Variants in RALYL observed in about 807,000 individuals in gnomAD.
RALYL encodes RNA-binding Raly-like protein.
RALYL carries 29 observed loss-of-function variants against 35.1 expected under a neutral mutation model. The ratio of observed to expected loss-of-function variants is 0.83; its 90% confidence interval spans 0.61 to 1.13. The LOEUF (loss-of-function observed/expected upper bound fraction) is 1.13, where lower values mean the gene tolerates loss of function less well. Among genes scored for constraint, RALYL ranks in the 50% most tolerant of loss-of-function variants. The pLI is 0.00. For missense variants in RALYL, 359 were observed against 360.4 expected (o/e 1.00, Z 0.03); for synonymous variants, 120 against 127.6 (o/e 0.94, Z 0.40).
At chr8:84,231,921 T>C (rs1044745864) in intron 1 of RALYL, among the ~76,000 whole-genome samples, 5 of 152,230 alleles carry the variant, frequency 3.3e-5, no homozygotes, top group African/African-American at 7.2e-5. Context: ...AATATAACAA[T>C]GTGGGATTTG....
chr8:84,441,747 A>G (rs887961743), intron 1 of RALYL, among the ~76,000 whole-genome samples: 1 of 152,108 alleles, frequency 6.6e-6, no homozygotes, highest in African/African-American at 2.4e-5. Flanking sequence ...TTAAGTATCA[A>G]TAATGTTTAT....
At chr8:84,643,684 G>A (rs1826878963) in intron 2 of RALYL, among the ~76,000 whole-genome samples, 1 of 151,998 alleles carries the variant, frequency 6.6e-6, no homozygotes, top group Non-Finnish European at 1.5e-5. Flanking sequence ...TGCTTGCAGA[G>A]CCCAGTAACA....
intron 4 of RALYL, among the ~76,000 whole-genome samples, chr8:84,836,239 T>G (rs1434550758): frequency 6.6e-6 from 1 of 152,206 alleles, no homozygotes; most frequent in Non-Finnish European, 1.5e-5. Context: ...CACTGGTCTA[T>G]CAATTAAAGT....
intron 2 of RALYL, among the ~76,000 whole-genome samples, chr8:84,576,139 T>C (rs1416700044): frequency 6.6e-6 from 1 of 152,220 alleles, no homozygotes; most frequent in Non-Finnish European, 1.5e-5. Flanking sequence ...TGATTTTTTT[T>C]CTTCAAGCGT....
chr8:84,335,612 C>T (rs1013439912), intron 1 of RALYL, among the ~76,000 whole-genome samples: 7 of 151,750 alleles, frequency 4.6e-5, no homozygotes, highest in African/African-American at 1.5e-4. Context: ...ATCTTCTCCC[C>T]TCCACTCCCG....
chr8:84,404,089 G>GT (rs201869560), intron 1 of RALYL, among the ~76,000 whole-genome samples: 4,294 of 152,108 alleles, frequency 0.028, 197 homozygotes, highest in African/African-American at 0.098. Context: ...AGACAATAGG[G>GT]TTTCTAAATA....
At chr8:84,257,423 G>A (rs1403053445) in intron 1 of RALYL, among the ~76,000 whole-genome samples, 1 of 152,040 alleles carries the variant, frequency 6.6e-6, no homozygotes, top group African/African-American at 2.4e-5. Context: ...TATGCCTGGA[G>A]TTGAAGGGTC....
chr8:84,782,736 C>A (rs72681047), intron 3 of RALYL, among the ~76,000 whole-genome samples: 1 of 152,168 alleles, frequency 6.6e-6, no homozygotes, highest in African/African-American at 2.4e-5. Context: ...TTAGCAGGAA[C>A]GTGTGCATCT....
intron 2 of RALYL, among the ~76,000 whole-genome samples, chr8:84,764,377 C>A (rs1813400653): frequency 6.6e-6 from 1 of 151,990 alleles, no homozygotes; most frequent in Non-Finnish European, 1.5e-5. Flanking sequence ...AATGAATGCT[C>A]CCTGACATTT....
At chr8:84,370,637 G>A (rs536263717) in intron 1 of RALYL, among the ~76,000 whole-genome samples, 3 of 152,170 alleles carry the variant, frequency 2.0e-5, no homozygotes, top group African/African-American at 7.2e-5. Flanking sequence ...TGTGCAGCAA[G>A]TGAATGGCAA....
chr8:84,299,742 A>T (rs1840415796), intron 1 of RALYL, among the ~76,000 whole-genome samples: 2 of 151,998 alleles, frequency 1.3e-5, no homozygotes, highest in South Asian at 4.1e-4. Context: ...AGATATTCTA[A>T]TTTGTGTGCA....
chr8:84,722,890 G>T (rs75382357), intron 2 of RALYL, among the ~76,000 whole-genome samples: 2,303 of 151,294 alleles, frequency 0.015, 62 homozygotes, highest in African/African-American at 0.053. Flanking sequence ...TATAAAGGCA[G>T]TAAAAATCAA....
intron 5 of RALYL, among the ~76,000 whole-genome samples, chr8:84,857,143 C>CA (rs1387792867): frequency 6.6e-6 from 1 of 150,716 alleles, no homozygotes; most frequent in East Asian, 2.0e-4. Context: ...GTACATCTGT[C>CA]AAAGTTAAGC....
chr8:84,259,525 G>A (rs1831809094), intron 1 of RALYL, among the ~76,000 whole-genome samples: 2 of 152,170 alleles, frequency 1.3e-5, no homozygotes, highest in African/African-American at 2.4e-5. Context: ...AGCATTAAAT[G>A]TGAGACCAGA....
rs1836534832 is a variant in RALYL at position 84,854,372 on chromosome 8, AAG to A, written c.413+4347_413+4348del. ...AAAAAGAAAAAGAAAAAGGAAGAAA[AAG>A]AAAAAAAAATAATGGTAGATGTATT... On this transcript the variant is annotated intron_variant, in intron 5 of 8. Transcript: ENST00000521268. Among the ~76,000 whole-genome samples the A allele has an allele frequency of 3.9e-5, 6 of 151,932 alleles. No homozygotes were observed. In the South Asian group the frequency reaches 1.2e-3, roughly 32 times the overall value.
intron 2 of RALYL, among the ~76,000 whole-genome samples, chr8:84,755,371 C>A (rs1040588968): frequency 6.6e-6 from 1 of 152,132 alleles, no homozygotes; most frequent in Non-Finnish European, 1.5e-5. Flanking sequence ...TCAACAGAAG[C>A]ACCTTCTCAA....
chr8:84,415,882 G>A (rs2044647263), intron 1 of RALYL, among the ~76,000 whole-genome samples: 1 of 152,162 alleles, frequency 6.6e-6, no homozygotes, highest in Admixed American at 6.6e-5. Flanking sequence ...TTCAATAGGT[G>A]TTAAAAATCT....
chr8:84,557,474 C>A (rs1401350989), intron 2 of RALYL, among the ~76,000 whole-genome samples: 5 of 152,276 alleles, frequency 3.3e-5, no homozygotes, highest in Middle Eastern at 6.8e-3. Flanking sequence ...ATTGTGACTT[C>A]TTTTATATCA....
intron 2 of RALYL, among the ~76,000 whole-genome samples, chr8:84,610,011 C>A (rs982558775): frequency 2.0e-5 from 3 of 152,022 alleles, no homozygotes; most frequent in Non-Finnish European, 4.4e-5. Context: ...GAAAGACCCG[C>A]CCCCATAATT....
Sources: gnomAD v4.1 joint callset for allele counts (sites outside exome capture counted in the v4.1 genomes callset) on GRCh38, gnomAD v4.1.1 for gene constraint, MANE v1.5 for transcripts, NCBI Gene and HGNC (gene_info 2026-07-23, HGNC 2026-07-21) for gene names.